The following FANCL variants were observed in gnomAD, a reference collection of about 807,000 sequenced individuals.
The protein encoded by FANCL is FA complementation group L.
Under a neutral mutation model 59.4 loss-of-function variants are expected in FANCL, and 69 were observed. The ratio of observed to expected loss-of-function variants is 1.16; its 90% CI spans 0.96 to 1.42. FANCL has a LOEUF of 1.42. FANCL is among the 40% of genes most tolerant of loss of function. The pLI, the probability that FANCL is intolerant of heterozygous loss-of-function variation, is 0.00. For synonymous variants in FANCL, 180 were observed against 147.1 expected, an observed-to-expected ratio of 1.22 and a Z score of -1.62; for missense variants, 519 against 447.2, an observed-to-expected ratio of 1.16 and a Z score of -1.45.
At chr2:58,221,478 T>C (rs1055174564) in intron 5 of FANCL, among the ~76,000 whole-genome samples, 4 of 152,196 alleles carry the variant, frequency 2.6e-5, no homozygotes, top group South Asian at 2.1e-4. Context: ...GGATGATTCT[T>C]ACAAACCCTA....
At chr2:58,192,526 T>C (rs1376176228) in intron 7 of FANCL, among the ~76,000 whole-genome samples, 1 of 151,876 alleles carries the variant, frequency 6.6e-6, no homozygotes. Context: ...TTAACCACAT[T>C]ACATTAGACA....
At chr2:58,217,203 T>G (rs1481374306) in intron 5 of FANCL, among the ~76,000 whole-genome samples, 4 of 8,730 alleles carry the variant, frequency 4.6e-4, no homozygotes, top group Non-Finnish European at 7.3e-4. Context: ...TATATATATA[T>G]ATATATATAT....
At chr2:58,215,051 C>A (rs1691573834) in intron 5 of FANCL, among the ~76,000 whole-genome samples, 1 of 152,182 alleles carries the variant, frequency 6.6e-6, no homozygotes, top group Non-Finnish European at 1.5e-5. Flanking sequence ...TTCCTCTGTC[C>A]TTGACAAACC....
At chr2:58,240,152 TC>T (rs1694383669) in intron 1 of FANCL, among the ~76,000 whole-genome samples, 4 of 152,086 alleles carry the variant, frequency 2.6e-5, no homozygotes, top group Admixed American at 2.6e-4. Flanking sequence ...TTTCAACTTT[TC>T]TAAATGTTGT....
intron 7 of FANCL, among the ~76,000 whole-genome samples, chr2:58,189,708 T>G (rs1298832313): frequency 1.3e-5 from 2 of 152,112 alleles, no homozygotes; most frequent in Non-Finnish European, 2.9e-5. Flanking sequence ...AGTAATAATG[T>G]CAGTCACTTA....
intron 11 of FANCL, 92 bp downstream of exon 11, chr2:58,162,774 C>G: frequency 1.8e-6 from 2 of 1,123,114 alleles, no homozygotes. Context: ...TTTCTAATTC[C>G]CTCCTTTTTC....
intron 7 of FANCL, among the ~76,000 whole-genome samples, chr2:58,178,232 T>C (rs7340170): frequency 0.067 from 10,164 of 152,192 alleles, 1,126 homozygotes; most frequent in African/African-American, 0.23. Context: ...TAACTCATTT[T>C]ATGAGGCCTG....
chr2:58,198,565 A>AT, intron 7 of FANCL, 29 bp downstream of exon 7: 1 of 1,592,120 alleles, frequency 6.3e-7, no homozygotes, highest in African/African-American at 1.3e-5. Context: ...CTTAAAACAA[A>AT]TTTAAGAATT....
intron 1 of FANCL, 72 bp downstream of exon 1, chr2:58,241,146 C>G: frequency 1.2e-5 from 18 of 1,520,712 alleles, no homozygotes; most frequent in Non-Finnish European, 1.5e-5. Flanking sequence ...CCTCCTAGCC[C>G]GTCACAGACT....
chr2:58,195,643 A>C (rs1254976798), intron 7 of FANCL, among the ~76,000 whole-genome samples: 1 of 152,144 alleles, frequency 6.6e-6, no homozygotes, highest in Non-Finnish European at 1.5e-5. Flanking sequence ...AGAGATATTT[A>C]TATCCCATAT....
At chr2:58,216,188 C>T (rs1691704600) in intron 5 of FANCL, among the ~76,000 whole-genome samples, 1 of 152,108 alleles carries the variant, frequency 6.6e-6, no homozygotes, top group Admixed American at 6.6e-5. Context: ...AGGGTTATAG[C>T]TTGAGACAGG....
intron 7 of FANCL, among the ~76,000 whole-genome samples, chr2:58,173,602 C>T (rs1345248624): frequency 6.6e-6 from 1 of 152,070 alleles, no homozygotes; most frequent in Non-Finnish European, 1.5e-5. Flanking sequence ...ATTTTGTCAC[C>T]ACCAGGCCTG....
intron 5 of FANCL, among the ~76,000 whole-genome samples, chr2:58,217,167 T>G (rs1246345635): frequency 1.1e-3 from 36 of 32,110 alleles, no homozygotes; most frequent in African/African-American, 1.2e-3. Flanking sequence ...TTATATATTT[T>G]ATATATATAT....
chr2:58,165,662 TTTA>T lies in FANCL; in HGVS notation c.691+59_691+61del, dbSNP rs148383677. On this transcript the variant is annotated intron_variant, in intron 8 of 13. Transcript: ENST00000233741. ...TCTGAGTCCAACTGTCATTGTTAGATTTATTTTCATAATACAAAATAAAACACC... is the reference window on the plus strand; with the variant it reads ...TCTGAGTCCAACTGTCATTGTTAGATTTTTCATAATACAAAATAAAACACC... The T allele has an allele frequency of 0.32, 519,330 of 1,601,324 alleles. 87,650 individuals carry two copies. The highest frequency in any genetic ancestry group is 0.41 in the South Asian group (37,437 of 90,656).
At chr2:58,161,024 G>A (rs780321019) in intron 12 of FANCL, among the ~76,000 whole-genome samples, 1 of 152,050 alleles carries the variant, frequency 6.6e-6, no homozygotes, top group Non-Finnish European at 1.5e-5. Flanking sequence ...CATTGCCTGA[G>A]TGCTGTGAGA....
chr2:58,167,318 A>T (rs1002476304), intron 7 of FANCL, among the ~76,000 whole-genome samples: 1 of 152,240 alleles, frequency 6.6e-6, no homozygotes, highest in African/African-American at 2.4e-5. Flanking sequence ...TACTTTACTT[A>T]CCTGTAAGTT....
At chr2:58,206,364 A>G (rs777183898) in intron 5 of FANCL, among the ~76,000 whole-genome samples, 2 of 152,190 alleles carry the variant, frequency 1.3e-5, no homozygotes, top group Non-Finnish European at 2.9e-5. Context: ...TGAATATTTC[A>G]AAGTATTTGT....
chr2:58,232,125 T>A lies in FANCL; in HGVS notation c.97-13A>T. 6.2e-7 allele frequency: 1 copy of A among 1,610,066 alleles called. No individual in the cohort carries two copies. Among genetic ancestry groups the A allele is most frequent in the Non-Finnish European group, 8.5e-7 (1 of 1,176,712 alleles). On this transcript the variant is annotated splice_polypyrimidine_tract_variant and intron_variant, in intron 1 of 13. Coordinates refer to ENST00000233741, the MANE Select transcript of FANCL (RefSeq NM_018062.4). The stretch of plus-strand genomic sequence containing the variant: ...GGAAGTCTCTTCCCTGTGGAAAATA[T>A]TGAAAAGGATCACTCAAATTTTTAT...
At chr2:58,163,113 C>G in intron 9 of FANCL, 39 bp from the exon 10 acceptor site, 2 of 1,544,830 alleles carry the variant, frequency 1.3e-6, no homozygotes, top group Non-Finnish European at 1.8e-6. Flanking sequence ...ATTGCATGCT[C>G]TACTCTTGGT....
Sources: allele counts gnomAD v4.1 joint callset (sites outside exome capture counted in the v4.1 genomes callset), GRCh38; gene constraint gnomAD v4.1.1; transcripts MANE v1.5; gene names NCBI Gene and HGNC (gene_info 2026-07-23, HGNC 2026-07-21).